The following LDOC1 variants were observed in gnomAD, a reference collection of about 807,000 sequenced individuals.
LDOC1 encodes the protein protein LDOC1.
Under a neutral mutation model 4.9 loss-of-function variants are expected in LDOC1, and 1 was observed. That is an observed-to-expected ratio of 0.20 (90% CI 0.07 to 0.96). The LOEUF is 0.96. Ranked by LOEUF, LDOC1 falls within the 40% of genes least tolerant of loss-of-function variation. The pLI, the probability that LDOC1 is intolerant of heterozygous loss-of-function variation, is 0.62. For synonymous variants in LDOC1, 55 were observed against 58.3 expected (o/e 0.94, Z 0.26); for missense variants, 76 against 128.1 (o/e 0.59, Z 1.96).
rs1195815064 is a variant in LDOC1 at position 141,177,010 on chromosome X, C to T, written c.12G>A (p.Glu4=). 3 of 1,202,071 alleles carry T rather than the reference C, an allele frequency of 2.5e-6. No homozygotes were observed. Among genetic ancestry groups the T allele is most frequent in the African/African-American group, 1.8e-5 (1 of 56,999 alleles). MVD[E]LVLLLHALLM... ...GGAGCGCGTGCAGCAGCAGCACCAACTCATCCACCATTGCGAACGGCCTGG... is the reference window on the plus strand; with the variant it reads ...GGAGCGCGTGCAGCAGCAGCACCAATTCATCCACCATTGCGAACGGCCTGG... The change falls in exon 1 of 1, where the codon GAG becomes GAA. Residue 4 remains glutamate (E), a synonymous_variant. Coordinates refer to ENST00000370526, the MANE Select transcript of LDOC1 (RefSeq NM_012317.4).
Position 141,174,653 on chromosome X carries a change from G to T in LDOC1, c.*1928C>A, listed in dbSNP as rs984881425. Among the ~76,000 whole-genome samples the T allele has an allele frequency of 1.8e-5, 2 of 111,661 alleles. No individual in the cohort carries two copies. The highest frequency in any genetic ancestry group is 3.8e-5 in the Non-Finnish European group (2 of 53,117). ...CAGGGAAAGTTCTAAATGCTTCATG[G>T]GTATGATCTCATTTAATCCGCACCT... On this transcript the variant is annotated 3_prime_UTR_variant, in exon 1 of 1. Coordinates refer to ENST00000370526, the MANE Select transcript of LDOC1 (RefSeq NM_012317.4).
rs2013596139 is a variant in LDOC1, at chrX:141,174,428, C to G, written c.*2153G>C. Among the ~76,000 whole-genome samples, 2 of 111,883 alleles carry G rather than the reference C, an allele frequency of 1.8e-5. No individual in the cohort carries two copies. Among genetic ancestry groups the G allele is most frequent in the Admixed American group, 1.9e-4 (2 of 10,498 alleles). The stretch of plus-strand genomic sequence containing the variant: ...TCCACCACGTAAAACAGCTTTGTTT[C>G]TTGCTTCATATAAGACTCCAAAAAG... On this transcript the variant is annotated 3_prime_UTR_variant, in exon 1 of 1. Coordinates refer to ENST00000370526, the MANE Select transcript of LDOC1 (RefSeq NM_012317.4).
chrX:141,174,076 C>T lies in LDOC1; in HGVS notation c.*2505G>A, dbSNP rs1457537037. Among the ~76,000 whole-genome samples the T allele has an allele frequency of 8.9e-6, 1 of 112,237 alleles. No homozygotes were observed. Among genetic ancestry groups the T allele is most frequent in the Admixed American group, 9.5e-5 (1 of 10,555 alleles). On this transcript the variant is annotated 3_prime_UTR_variant, in exon 1 of 1. Coordinates refer to ENST00000370526, the MANE Select transcript of LDOC1 (RefSeq NM_012317.4). ...TACCTTTTAGATCTTGCTCACTTTT[C>T]CACATTTATCCCCAATTCAAGGCCT... is the stretch of plus-strand genomic sequence containing the variant.
chrX:141,177,093 A>T lies in LDOC1; in HGVS notation c.-72T>A. The T allele has an allele frequency of 1.1e-6, 1 of 931,729 alleles. No individual in the cohort carries two copies. The highest frequency in any genetic ancestry group is 1.4e-6 in the Non-Finnish European group (1 of 723,008). 76.8% of individuals were successfully genotyped at this position (931,729 alleles called of 1,213,427 possible). A position where few individuals can be genotyped will look rare whatever the true frequency, so the allele number is the denominator to read the frequency against. On this transcript the variant is annotated 5_prime_UTR_variant, in exon 1 of 1. Coordinates refer to ENST00000370526, the MANE Select transcript of LDOC1 (RefSeq NM_012317.4). The stretch of plus-strand genomic sequence containing the variant: ...AAGGTGCGCACGGAGCCCTCGCAGG[A>T]AGTGCGTGTCCACGGAGGCGCTTGG...
chrX:141,177,091 G>C lies in LDOC1; in HGVS notation c.-70C>G. On this transcript the variant is annotated 5_prime_UTR_variant, in exon 1 of 1. Coordinates refer to ENST00000370526, the MANE Select transcript of LDOC1 (RefSeq NM_012317.4). ...CCAAGGTGCGCACGGAGCCCTCGCA[G>C]GAAGTGCGTGTCCACGGAGGCGCTT... 9.9e-7 allele frequency: 1 copy of C among 1,007,509 alleles called. No individual in the cohort carries two copies. The allele number at this position is 1,007,509 out of a possible 1,213,427, so 83.0% of individuals were successfully genotyped here.
In LDOC1 at chrX:141,176,554, C is replaced by G; in HGVS notation, c.*27G>C. On this transcript the variant is annotated 3_prime_UTR_variant, in exon 1 of 1. Transcript: ENST00000370526. ...AGGGGGTGGCGGCGTGCAGGGCCCT[C>G]CCCCCCGAGGCCCGAGGGTCGAGGG... 8.5e-7 allele frequency: 1 copy of G among 1,170,673 alleles called. No homozygotes were observed. Among genetic ancestry groups the G allele is most frequent in the Non-Finnish European group, 1.1e-6 (1 of 871,730 alleles).
Position 141,176,464 on chromosome X carries a change from G to C in LDOC1, c.*117C>G, listed in dbSNP as rs1569412293. 1 of 907,298 alleles carries C rather than the reference G, an allele frequency of 1.1e-6. No homozygotes were observed. The allele number at this position is 907,298 out of a possible 1,213,427, so 74.8% of individuals were successfully genotyped here. On this transcript the variant is annotated 3_prime_UTR_variant, in exon 1 of 1. Coordinates refer to ENST00000370526, the MANE Select transcript of LDOC1 (RefSeq NM_012317.4). ...GAAGAGAGAGAGCAGACGGGCGCGG[G>C]TAGGTAAGGGGACCGGAGGGCAAGG...
rs782241935 is a variant in LDOC1, at chrX:141,174,329, C to G, written c.*2252G>C. On this transcript the variant is annotated 3_prime_UTR_variant, in exon 1 of 1. Transcript: ENST00000370526. ...CCTCAGCCTCTTTTATTAAGTCATA[C>G]GCAACCCTGTCCCCACCCTCCAGAA... 9.0e-6 allele frequency among the ~76,000 whole-genome samples: 1 copy of G among 111,307 alleles called. No homozygotes were observed. Among genetic ancestry groups the G allele is most frequent in the Non-Finnish European group, 1.9e-5 (1 of 53,073 alleles).
In LDOC1 at chrX:141,177,038, G is replaced by A; in HGVS notation, c.-17C>T. The stretch of plus-strand genomic sequence containing the variant: ...ATCCACCATTGCGAACGGCCTGGAA[G>A]GACAGGACTCGGCTCGGTTCGGCTC... On this transcript the variant is annotated 5_prime_UTR_variant, in exon 1 of 1. Transcript: ENST00000370526. 8.4e-7 allele frequency: 1 copy of A among 1,190,573 alleles called. No homozygotes were observed. The highest frequency in any genetic ancestry group is 2.4e-4 in the Middle Eastern group (1 of 4,238).
In LDOC1 at chrX:141,175,434, G is replaced by A. The variant is rs2148479077; in HGVS notation, c.*1147C>T. Among the ~76,000 whole-genome samples the A allele has an allele frequency of 8.9e-6, 1 of 112,144 alleles. No homozygotes were observed. Among genetic ancestry groups the A allele is most frequent in the African/African-American group, 3.2e-5 (1 of 30,848 alleles). The stretch of plus-strand genomic sequence containing the variant: ...AGAATTAGGAGCATTACATATATAT[G>A]TCCAGGTTTACGCCTATTGTTATGG... On this transcript the variant is annotated 3_prime_UTR_variant, in exon 1 of 1. Coordinates refer to ENST00000370526, the MANE Select transcript of LDOC1 (RefSeq NM_012317.4).
Position 141,176,298 on chromosome X carries a change from T to G in LDOC1, c.*283A>C. The G allele has an allele frequency of 2.6e-6, 1 of 388,896 alleles. No homozygotes were observed. Among genetic ancestry groups the G allele is most frequent in the Non-Finnish European group, 4.5e-6 (1 of 221,653 alleles). The allele number at this position is 388,896 out of a possible 1,213,427, so 32.0% of individuals were successfully genotyped here. ...GCTGGGGTTCAGGACACAGTTCAGA[T>G]TAGCAGGGGAGGGATCCCGGGGATG... is the stretch of plus-strand genomic sequence containing the variant. On this transcript the variant is annotated 3_prime_UTR_variant, in exon 1 of 1. Coordinates refer to ENST00000370526, the MANE Select transcript of LDOC1 (RefSeq NM_012317.4).
Position 141,174,391 on chromosome X carries a change from G to A in LDOC1, c.*2190C>T, listed in dbSNP as rs192004061. Among the ~76,000 whole-genome samples, 63 of 111,527 alleles carry A rather than the reference G, an allele frequency of 5.6e-4. 1 individual carries two copies. The highest frequency in any genetic ancestry group is 1.1e-3 in the Non-Finnish European group (60 of 53,117). ...AGGGGTGAGATATAACTCCTACCCT[G>A]AACTTTGCCTGTCCACCACGTAAAA... On this transcript the variant is annotated 3_prime_UTR_variant, in exon 1 of 1. Transcript: ENST00000370526.
Position 141,175,249 on chromosome X carries a change from A to G in LDOC1, c.*1332T>C, listed in dbSNP as rs1556282972. On this transcript the variant is annotated 3_prime_UTR_variant, in exon 1 of 1. Transcript: ENST00000370526. The stretch of plus-strand genomic sequence containing the variant: ...TGCCCAGGATCCGGGACTTAATGTT[A>G]GCTGGAGCACCTGAAAGTGACATGT... Among the ~76,000 whole-genome samples, 1 of 111,859 alleles carries G rather than the reference A, an allele frequency of 8.9e-6. No individual in the cohort carries two copies. The highest frequency in any genetic ancestry group is 3.3e-5 in the African/African-American group (1 of 30,738).
chrX:141,174,329 C>T lies in LDOC1; in HGVS notation c.*2252G>A, dbSNP rs782241935. On this transcript the variant is annotated 3_prime_UTR_variant, in exon 1 of 1. Transcript: ENST00000370526. ...CCTCAGCCTCTTTTATTAAGTCATA[C>T]GCAACCCTGTCCCCACCCTCCAGAA... 3.6e-5 allele frequency among the ~76,000 whole-genome samples: 4 copies of T among 111,362 alleles called. No homozygotes were observed. The highest frequency in any genetic ancestry group is 3.9e-4 in the South Asian group (1 of 2,585).
At position 141,176,210 on chromosome X, in the gene LDOC1, G is replaced by C; in HGVS notation, c.*371C>G. 4.3e-6 allele frequency: 1 copy of C among 233,040 alleles called. No homozygotes were observed. The highest frequency in any genetic ancestry group is 7.8e-6 in the Non-Finnish European group (1 of 128,662). 19.2% of individuals were successfully genotyped at this position (233,040 alleles called of 1,213,427 possible). On this transcript the variant is annotated 3_prime_UTR_variant, in exon 1 of 1. Transcript: ENST00000370526. ...TGGGAAGATGTAAGCCTGGCAGCAG[G>C]GCAGGTGGCAGCAGCAGGGCTACGG...
Position 141,176,514 on chromosome X carries a change from G to T in LDOC1, c.*67C>A. 8.8e-7 allele frequency: 1 copy of T among 1,139,965 alleles called. No individual in the cohort carries two copies. The highest frequency in any genetic ancestry group is 1.8e-5 in the African/African-American group (1 of 55,807). The allele number at this position is 1,139,965 out of a possible 1,213,427, so 93.9% of individuals were successfully genotyped here. On this transcript the variant is annotated 3_prime_UTR_variant, in exon 1 of 1. Transcript: ENST00000370526. ...GGGGAGAGCAGTGGCTCCTGGCGGG[G>T]TGAGGGCTGCGGGGAGGGGGTGGCG...
Position 141,173,803 on chromosome X carries a change from C to T in LDOC1, c.*2778G>A, listed in dbSNP as rs1229310771. Among the ~76,000 whole-genome samples the T allele has an allele frequency of 3.6e-5, 4 of 111,878 alleles. No homozygotes were observed. Among genetic ancestry groups the T allele is most frequent in the African/African-American group, 1.3e-4 (4 of 30,739 alleles). ...CCTCCCTTCCTCCACAGAACACCTA[C>T]TCATATGTCCTCAACTTCCACCCCA... On this transcript the variant is annotated 3_prime_UTR_variant, in exon 1 of 1. Transcript: ENST00000370526.
rs2013613979 is a variant in LDOC1 at position 141,176,320 on chromosome X, G to C, written c.*261C>G. 1 of 411,273 alleles carries C rather than the reference G, an allele frequency of 2.4e-6. No individual in the cohort carries two copies. Among genetic ancestry groups the C allele is most frequent in the African/African-American group, 2.5e-5 (1 of 40,020 alleles). The allele number at this position is 411,273 out of a possible 1,213,427, so 33.9% of individuals were successfully genotyped here. On this transcript the variant is annotated 3_prime_UTR_variant, in exon 1 of 1. Coordinates refer to ENST00000370526, the MANE Select transcript of LDOC1 (RefSeq NM_012317.4). ...AGATTAGCAGGGGAGGGATCCCGGG[G>C]ATGGCCAGGGTAGATGACACTTCCA...
In LDOC1 at chrX:141,173,626, C is replaced by G. The variant is rs1569411855; in HGVS notation, c.*2955G>C. ...TAAGAAGGACATCACTTAACACACA[C>G]ACACACAGAGCACACACATACTGGG... On this transcript the variant is annotated 3_prime_UTR_variant, in exon 1 of 1. Coordinates refer to ENST00000370526, the MANE Select transcript of LDOC1 (RefSeq NM_012317.4). The G allele has an allele frequency of 8.9e-6, 1 of 112,054 alleles. No individual in the cohort carries two copies. The highest frequency in any genetic ancestry group is 1.9e-5 in the Non-Finnish European group (1 of 53,285). 9.2% of individuals were successfully genotyped at this position (112,054 alleles called of 1,213,427 possible).
Sources: gnomAD v4.1 joint callset for allele counts (sites outside exome capture counted in the v4.1 genomes callset) on GRCh38, gnomAD v4.1.1 for gene constraint, MANE v1.5 for transcripts, NCBI Gene and HGNC (gene_info 2026-07-23, HGNC 2026-07-21) for gene names.